Variants in CNGB3 observed in about 807,000 individuals in gnomAD.
The protein encoded by CNGB3 is cyclic nucleotide-gated channel beta-3.
In CNGB3, 86 loss-of-function variants were observed where a neutral mutation model predicts 92.8. The ratio of observed to expected loss-of-function variants is 0.93; its 90% confidence interval spans 0.78 to 1.11. The LOEUF (loss-of-function observed/expected upper bound fraction) is 1.11, where lower values mean the gene tolerates loss of function less well. Among genes scored for constraint, CNGB3 ranks in the 50% least tolerant of loss-of-function variants. The pLI is 0.00. For missense variants in CNGB3, 1,026 were observed against 956.8 expected, an observed-to-expected ratio of 1.07 and a Z score of -0.95; for synonymous variants, 333 against 332.7, an observed-to-expected ratio of 1.00 and a Z score of -0.01.
intron 3 of CNGB3, among the ~76,000 whole-genome samples, chr8:86,677,558 C>A (rs1300999143): frequency 6.6e-6 from 1 of 152,022 alleles, no homozygotes; most frequent in Non-Finnish European, 1.5e-5. Context: ...TAAAAGCCTG[C>A]ATAGAACAAG....
rs1054383456 is a variant in CNGB3, at chr8:86,574,586, G to A, written c.*1218C>T. ...ATGTTGTAGGCTTTTTGGCTAATAT[G>A]ATTTGTTAAAACCCTCTCAGCAAAG... On this transcript the variant is annotated 3_prime_UTR_variant, in exon 18 of 18. Transcript: ENST00000320005. 2 of 152,148 alleles carry A rather than the reference G, an allele frequency of 1.3e-5. No individual in the cohort carries two copies. The highest frequency in any genetic ancestry group is 2.4e-5 in the African/African-American group (1 of 41,432). The allele number at this position is 152,148 out of a possible 1,614,324, so 9.4% of individuals were successfully genotyped here.
intron 15 of CNGB3, chr8:86,594,302 T>A: frequency 3.4e-6 from 1 of 295,464 alleles, no homozygotes. Context: ...TTGGAAGGAG[T>A]GGGAGAAGTC....
chr8:86,588,928 T>C (rs1444911678), intron 15 of CNGB3, among the ~76,000 whole-genome samples: 1 of 151,888 alleles, frequency 6.6e-6, no homozygotes, highest in Non-Finnish European at 1.5e-5. Context: ...AGTTCCTCCT[T>C]GTACCTCTGG....
chr8:86,676,466 G>C (rs1267956390), intron 3 of CNGB3, among the ~76,000 whole-genome samples: 1 of 152,162 alleles, frequency 6.6e-6, no homozygotes, highest in Non-Finnish European at 1.5e-5. Context: ...GTCTTGAATG[G>C]TCAGTTGAGG....
Position 86,657,533 on chromosome 8 carries a change from C to T in CNGB3, c.853-3471G>A, listed in dbSNP as rs76222655. On this transcript the variant is annotated intron_variant, in intron 6 of 17. Coordinates refer to ENST00000320005, the MANE Select transcript of CNGB3 (RefSeq NM_019098.5). ...TGCAGTGGGATTGTCATGGGGAGAA[C>T]CCTCCCTGGCCTCTTCTTGTGCAGG... The T allele has an allele frequency of 3.7e-3, 1,792 of 486,360 alleles. 29 individuals carry two copies. The highest frequency in any genetic ancestry group is 0.032 in the African/African-American group (1,622 of 49,960). 30.1% of individuals were successfully genotyped at this position (486,360 alleles called of 1,614,324 possible).
At chr8:86,661,952 C>A in intron 6 of CNGB3, 1 of 634,128 alleles carries the variant, frequency 1.6e-6, no homozygotes, top group East Asian at 2.7e-5. Flanking sequence ...AGGCTCAACC[C>A]ATCATGGAAC....
chr8:86,574,286 A>G lies in CNGB3; in HGVS notation c.*1518T>C, dbSNP rs1214995433. The G allele has an allele frequency of 6.6e-6, 1 of 152,202 alleles. No homozygotes were observed. Among genetic ancestry groups the G allele is most frequent in the African/African-American group, 2.4e-5 (1 of 41,438 alleles). The allele number at this position is 152,202 out of a possible 1,614,324, so 9.4% of individuals were successfully genotyped here. ...TTTGTCCTTTTCTTTTCCTATTATC[A>G]GATGCTTCAGCCCTATTCTACCTTT... On this transcript the variant is annotated 3_prime_UTR_variant, in exon 18 of 18. Transcript: ENST00000320005.
At chr8:86,657,750 A>G in intron 6 of CNGB3, 1 of 474,912 alleles carries the variant, frequency 2.1e-6, no homozygotes, top group East Asian at 5.6e-5. Context: ...CTGCAGCTCC[A>G]GCAGCTCCAG....
chr8:86,705,322 C>G (rs1824632713), intron 3 of CNGB3, among the ~76,000 whole-genome samples: 1 of 152,032 alleles, frequency 6.6e-6, no homozygotes, highest in Non-Finnish European at 1.5e-5. Context: ...GTACTATGCA[C>G]CAGTAAACTA....
At position 86,575,713 on chromosome 8, in the gene CNGB3, GCA is replaced by G; in HGVS notation, c.*89_*90del. The G allele has an allele frequency of 8.5e-7, 1 of 1,171,748 alleles. No individual in the cohort carries two copies. The highest frequency in any genetic ancestry group is 1.2e-6 in the Non-Finnish European group (1 of 804,104). 72.6% of individuals were successfully genotyped at this position (1,171,748 alleles called of 1,614,324 possible). ...TGCCTTTCGTTTCTCAAGGGTCCCA[GCA>G]TGTCGTTTCCCCTCGTTAATTTAAG... On this transcript the variant is annotated 3_prime_UTR_variant, in exon 18 of 18. Transcript: ENST00000320005.
At position 86,712,934 on chromosome 8, in the gene CNGB3, A is replaced by G. The variant is rs529380902; in HGVS notation, c.338+13597T>C. 3.3e-5 allele frequency among the ~76,000 whole-genome samples: 5 copies of G among 151,918 alleles called. No homozygotes were observed. In the South Asian group the frequency reaches 8.3e-4, roughly 25 times the overall value. ...ATCTGTTTTTTTTCAAATGAACTTT[A>G]TAACCAACTTAACTAGTTTAAAAAA... On this transcript the variant is annotated intron_variant, in intron 3 of 17. Transcript: ENST00000320005.
At chr8:86,736,892 A>G (rs1349352282) in intron 2 of CNGB3, among the ~76,000 whole-genome samples, 3 of 152,322 alleles carry the variant, frequency 2.0e-5, no homozygotes, top group South Asian at 4.1e-4. Flanking sequence ...GTGACACGTT[A>G]TCCTAAATAT....
chr8:86,734,169 T>A (rs1825206776), intron 2 of CNGB3, among the ~76,000 whole-genome samples: 3 of 152,166 alleles, frequency 2.0e-5, no homozygotes, highest in Non-Finnish European at 4.4e-5. Flanking sequence ...GCTTTATTAT[T>A]ATTTTTAGAG....
At chr8:86,627,830 G>A (rs1042641288) in intron 12 of CNGB3, among the ~76,000 whole-genome samples, 2 of 152,128 alleles carry the variant, frequency 1.3e-5, no homozygotes, top group African/African-American at 2.4e-5. Flanking sequence ...TGAACAACAC[G>A]TGTTTGAACT....
chr8:86,579,742 C>T (rs1821726198), intron 15 of CNGB3, among the ~76,000 whole-genome samples: 1 of 152,272 alleles, frequency 6.6e-6, no homozygotes, highest in African/African-American at 2.4e-5. Context: ...ATTTTCCTGC[C>T]AAGCCTTAGG....
At chr8:86,685,717 T>G (rs1396747585) in intron 3 of CNGB3, among the ~76,000 whole-genome samples, 3 of 152,106 alleles carry the variant, frequency 2.0e-5, no homozygotes, top group Non-Finnish European at 4.4e-5. Flanking sequence ...AAATTATGAC[T>G]GAGCTAACAG....
rs759113706 is a variant in CNGB3 at position 86,576,019 on chromosome 8, C to A, written c.2215G>T (p.Asp739Tyr). 4 of 1,611,720 alleles carry A rather than the reference C, an allele frequency of 2.5e-6. No individual in the cohort carries two copies. Among genetic ancestry groups the A allele is most frequent in the Non-Finnish European group, 3.4e-6 (4 of 1,178,654 alleles). ...TCTGGCTCTCTTCCTTTATCTTTAT[C>A]TTCATTTTCTTTTCCTTTATCTTCA... ...ENEDKGKENEDKDKGREPEEK... is the reference protein window; with the variant it reads ...ENEDKGKENEYKDKGREPEEK... Residue 739 changes from aspartate (D) to tyrosine (Y), a missense_variant, in exon 18 of 18, where the codon GAT (aspartate) becomes TAT (tyrosine). Physicochemically the swap from Asp to Tyr is radical, Grantham distance 160. Coordinates refer to ENST00000320005, the MANE Select transcript of CNGB3 (RefSeq NM_019098.5).
At position 86,683,984 on chromosome 8, in the gene CNGB3, T is replaced by G. The variant is rs1248616866; in HGVS notation, c.339-12886A>C. Among the ~76,000 whole-genome samples the G allele has an allele frequency of 6.6e-5, 10 of 152,146 alleles. 1 individual carries two copies. Among genetic ancestry groups the G allele is most frequent in the Non-Finnish European group, 1.0e-4 (7 of 68,016 alleles). ...CCATGAAAGCAAAAATCAATCAGAT[T>G]GCACTTGATCAAAATGGGAAACTTT... On this transcript the variant is annotated intron_variant, in intron 3 of 17. Coordinates refer to ENST00000320005, the MANE Select transcript of CNGB3 (RefSeq NM_019098.5).
chr8:86,735,587 C>T (rs754917712), intron 2 of CNGB3, among the ~76,000 whole-genome samples: 1 of 152,060 alleles, frequency 6.6e-6, no homozygotes. Context: ...CTAGAGGTCA[C>T]AGCACTCCTT....
Sources: allele counts gnomAD v4.1 joint callset (sites outside exome capture counted in the v4.1 genomes callset), GRCh38; gene constraint gnomAD v4.1.1; transcripts MANE v1.5; gene names NCBI Gene and HGNC (gene_info 2026-07-23, HGNC 2026-07-21).